Variants in E2F2 observed in about 807,000 individuals in gnomAD.
E2F2 encodes transcription factor E2F2.
In E2F2, 22 loss-of-function variants were observed where a neutral mutation model predicts 42.2. The ratio of observed to expected loss-of-function variants is 0.52; its 90% CI spans 0.37 to 0.74. The LOEUF (loss-of-function observed/expected upper bound fraction) is 0.74, where lower values mean the gene tolerates loss of function less well. Ranked by LOEUF, E2F2 falls within the 30% of genes least tolerant of loss-of-function variation. E2F2 has a pLI of 0.00. For missense variants in E2F2, 481 were observed against 557.8 expected (o/e 0.86, Z 1.39); for synonymous variants, 248 against 251.6 (o/e 0.99, Z 0.13).
chr1:23,526,845 G>A (rs1643258584), intron 1 of E2F2, among the ~76,000 whole-genome samples: 1 of 132,768 alleles, frequency 7.5e-6, no homozygotes, highest in Non-Finnish European at 1.6e-5. Context: ...ATCACTGCAT[G>A]TACTTGCACA....
chr1:23,511,091 C>T (rs1247417608), intron 6 of E2F2, among the ~76,000 whole-genome samples: 17 of 152,136 alleles, frequency 1.1e-4, no homozygotes, highest in Non-Finnish European at 2.5e-4. Context: ...CTCTTCAACT[C>T]ACTCCAGTCT....
intron 6 of E2F2, 69 bp from the exon 7 acceptor site, chr1:23,510,217 T>A (rs1372222852): frequency 6.9e-7 from 1 of 1,452,230 alleles, no homozygotes; most frequent in East Asian, 2.6e-5. Context: ...AGGACAGACT[T>A]CCGGTTCTCT....
intron 6 of E2F2, among the ~76,000 whole-genome samples, chr1:23,511,455 C>G (rs3218202): frequency 1.3e-3 from 190 of 151,976 alleles, no homozygotes; most frequent in African/African-American, 4.5e-3. Context: ...AGGCTGGTCT[C>G]GAACTCCCAG....
At chr1:23,512,145 G>C (rs1324604455) in intron 6 of E2F2, among the ~76,000 whole-genome samples, 1 of 152,054 alleles carries the variant, frequency 6.6e-6, no homozygotes, top group Non-Finnish European at 1.5e-5. Context: ...TTGTAGTGAG[G>C]CAAGATCACG....
intron 1 of E2F2, among the ~76,000 whole-genome samples, chr1:23,529,164 CT>C (rs1350333917): frequency 6.6e-5 from 10 of 152,352 alleles, no homozygotes; most frequent in African/African-American, 1.9e-4. Context: ...CAGTTTCCCC[CT>C]GTAACATGGA....
intron 6 of E2F2, among the ~76,000 whole-genome samples, chr1:23,510,976 G>C (rs1642897627): frequency 6.6e-6 from 1 of 151,984 alleles, no homozygotes; most frequent in Non-Finnish European, 1.5e-5. Flanking sequence ...AACTATACCT[G>C]ACCTCATCAC....
Position 23,530,512 on chromosome 1 carries a change from G to A in E2F2, c.252+30C>T, listed in dbSNP as rs533754290. On this transcript the variant is annotated intron_variant, in intron 1 of 6. Coordinates refer to ENST00000361729, the MANE Select transcript of E2F2 (RefSeq NM_004091.4). This position sits in a 1 kb window ranked among gnomAD's most constrained non-coding sequence, Gnocchi z 4.4. Reference sequence around the variant, plus strand: ...CCTTTCCCACACCTGGAAAAGCATAGGGGGAAGCGGTGGGGGCCCCCAGCA... The same window carrying A: ...CCTTTCCCACACCTGGAAAAGCATAAGGGGAAGCGGTGGGGGCCCCCAGCA... The A allele has an allele frequency of 1.2e-6, 2 of 1,609,138 alleles. No homozygotes were observed. Among genetic ancestry groups the A allele is most frequent in the South Asian group, 2.2e-5 (2 of 90,782 alleles).
chr1:23,529,039 C>G (rs1182214724), intron 1 of E2F2, among the ~76,000 whole-genome samples: 1 of 152,056 alleles, frequency 6.6e-6, no homozygotes, highest in Non-Finnish European at 1.5e-5. Flanking sequence ...ATAGGGAGAC[C>G]CCTGTCTCTA....
At chr1:23,515,544 C>T (rs1036075203) in intron 6 of E2F2, among the ~76,000 whole-genome samples, 1 of 151,856 alleles carries the variant, frequency 6.6e-6, no homozygotes, top group Non-Finnish European at 1.5e-5. Context: ...TTTTAATGGG[C>T]AAATTTTATT....
rs781629178 is a variant in E2F2, at chr1:23,516,352, T to A, written c.1028A>T (p.Glu343Val). The stretch of plus-strand genomic sequence containing the variant: ...GGACCTACCTGAGGATGCTGTGGGC[T>A]CCATGATGCTAGGGTCGGTGCTGCT... Reference protein sequence around the residue: ...PSSSTDPSIMEPTASSVPAPA... With the variant: ...PSSSTDPSIMVPTASSVPAPA... Residue 343 changes from glutamate (E) to valine (V), a missense_variant, in exon 6 of 7, where the codon GAG becomes GTG. By Grantham distance (121) the Glu-to-Val change is moderately radical. Transcript: ENST00000361729. 1.3e-6 allele frequency: 2 copies of A among 1,551,048 alleles called. No homozygotes were observed. Among genetic ancestry groups the A allele is most frequent in the South Asian group, 2.4e-5 (2 of 81,976 alleles).
At chr1:23,516,290 C>T in intron 6 of E2F2, 45 bp downstream of exon 6, 1 of 1,424,896 alleles carries the variant, frequency 7.0e-7, no homozygotes, top group Non-Finnish European at 9.2e-7. Context: ...AAAACTAAGG[C>T]CGGTCTCTCC....
intron 1 of E2F2, among the ~76,000 whole-genome samples, chr1:23,528,112 C>A (rs964511195): frequency 6.6e-6 from 1 of 152,134 alleles, no homozygotes; most frequent in Non-Finnish European, 1.5e-5. Flanking sequence ...TTCCTGCAGG[C>A]GTGAAAGAGA....
Position 23,509,934 on chromosome 1 carries a change from C to T in E2F2, c.1260G>A (p.Glu420=), listed in dbSNP as rs374297603. The change falls in exon 7 of 7, where the codon GAG becomes GAA. Residue 420 remains glutamate (E), a synonymous_variant. Coordinates refer to ENST00000361729, the MANE Select transcript of E2F2 (RefSeq NM_004091.4). ...AGGAGTCGAAGAGATCGCTGATGCC[C>T]TCACCCGCCTCCAAGCCCCACAGGT... ...DDYLWGLEAG[E]GISDLFDSYD... 51 of 1,603,332 alleles carry T rather than the reference C, an allele frequency of 3.2e-5. No individual in the cohort carries two copies. The highest frequency in any genetic ancestry group is 4.3e-5 in the Non-Finnish European group (50 of 1,174,048).
intron 4 of E2F2, among the ~76,000 whole-genome samples, chr1:23,520,078 C>CA (rs35380252): frequency 0.084 from 8,029 of 96,060 alleles, 488 homozygotes; most frequent in South Asian, 0.32. Flanking sequence ...GACTCCATCT[C>CA]AAAAAAAAAA....
At chr1:23,510,611 G>A (rs1297375473) in intron 6 of E2F2, among the ~76,000 whole-genome samples, 1 of 152,070 alleles carries the variant, frequency 6.6e-6, no homozygotes, top group Non-Finnish European at 1.5e-5. Context: ...CACTGTGCCC[G>A]GCCAAAAAGG....
In E2F2 at chr1:23,516,372, G is replaced by A; in HGVS notation, c.1008C>T (p.Ser336=). 6.3e-7 allele frequency: 1 copy of A among 1,583,020 alleles called. No individual in the cohort carries two copies. The highest frequency in any genetic ancestry group is 8.6e-7 in the Non-Finnish European group (1 of 1,167,024). ...TGGGCTCCATGATGCTAGGGTCGGT[G>A]CTGCTGCTGGGCTGGGCAGAGTCAG... ...PSPDSAQPSS[S]TDPSIMEPTA... Residue 336 remains serine, a synonymous_variant, in exon 6 of 7, where the codon AGC becomes AGT. Coordinates refer to ENST00000361729, the MANE Select transcript of E2F2 (RefSeq NM_004091.4).
chr1:23,519,244 C>G (rs1441575018), intron 4 of E2F2, 114 bp from the exon 5 acceptor site: 2 of 610,656 alleles, frequency 3.3e-6, no homozygotes, highest in African/African-American at 1.8e-5. Flanking sequence ...TTTCTCACTC[C>G]TTGTACAACT....
intron 6 of E2F2, among the ~76,000 whole-genome samples, chr1:23,512,052 G>T (rs886578489): frequency 6.6e-6 from 1 of 152,036 alleles, no homozygotes; most frequent in Admixed American, 6.6e-5. Context: ...ACAGAAATTC[G>T]CTGGGTATGG....
Position 23,509,654 on chromosome 1 carries a change from G to T in E2F2, c.*226C>A. ...CAGAAGACTGGATGGGCCTCCCTAG[G>T]CCCAGCTTCCATTAGGAAGGTGAGG... On this transcript the variant is annotated 3_prime_UTR_variant, in exon 7 of 7. Transcript: ENST00000361729. 1 of 810,544 alleles carries T rather than the reference G, an allele frequency of 1.2e-6. No individual in the cohort carries two copies. 50.2% of individuals were successfully genotyped at this position (810,544 alleles called of 1,614,324 possible).
Sources: allele counts gnomAD v4.1 joint callset (sites outside exome capture counted in the v4.1 genomes callset), GRCh38; gene constraint gnomAD v4.1.1; non-coding constraint Gnocchi (gnomAD v3.1); transcripts MANE v1.5; gene names NCBI Gene and HGNC (gene_info 2026-07-23, HGNC 2026-07-21).